ANKRD46: variants seen among roughly 807,000 people sequenced by gnomAD.
The protein encoded by ANKRD46 is ankyrin repeat domain 46, also known as ankyrin repeat domain-containing protein 46.
Under a neutral mutation model 19.8 loss-of-function variants are expected in ANKRD46, and 13 were observed. The ratio of observed to expected loss-of-function variants is 0.66; its 90% CI spans 0.43 to 1.04. The LOEUF is 1.04. Ranked by LOEUF, ANKRD46 falls within the 50% of genes least tolerant of loss-of-function variation. The pLI, the probability that ANKRD46 is intolerant of heterozygous loss-of-function variation, is 0.00. For synonymous variants in ANKRD46, 91 were observed against 106.9 expected, an observed-to-expected ratio of 0.85 and a Z score of 0.92; for missense variants, 185 against 274.8, an observed-to-expected ratio of 0.67 and a Z score of 2.31.
rs16898488 is a variant in ANKRD46 at position 100,522,505 on chromosome 8, T to C, written c.*50A>G. 1.4e-3 allele frequency: 2,226 copies of C among 1,600,980 alleles called. 32 individuals are homozygous for C. The African/African-American group carries it at 0.026, about 19-fold the overall frequency. Reference sequence around the variant, plus strand: ...AATTCTGAGAAACTGAGAACAAACATTGGAAGCCAGGAAACAGGCAATTAA... The same window carrying C: ...AATTCTGAGAAACTGAGAACAAACACTGGAAGCCAGGAAACAGGCAATTAA... On this transcript the variant is annotated 3_prime_UTR_variant, in exon 5 of 5. Coordinates refer to ENST00000335659, the MANE Select transcript of ANKRD46 (RefSeq NM_001270377.2).
At chr8:100,530,452 T>C (rs954236775) in intron 2 of ANKRD46, among the ~76,000 whole-genome samples, 1 of 152,084 alleles carries the variant, frequency 6.6e-6, no homozygotes, top group Non-Finnish European at 1.5e-5. Context: ...GGCGCGGTCT[T>C]GGCTCACTGC....
rs754180054 is a variant in ANKRD46, at chr8:100,544,961, G to A, written c.-130-11650C>T. The stretch of plus-strand genomic sequence containing the variant: ...AACAGTATTGTACACTGGCACATGA[G>A]TATGTACATAGGGCAGATCAACAGT... On this transcript the variant is annotated intron_variant, in intron 1 of 4. Coordinates refer to ENST00000335659, the MANE Select transcript of ANKRD46 (RefSeq NM_001270377.2). This position sits in a 1 kb window ranked among gnomAD's most constrained non-coding sequence, Gnocchi z 4.4. 3.3e-5 allele frequency among the ~76,000 whole-genome samples: 5 copies of A among 152,122 alleles called. No individual in the cohort carries two copies. Among genetic ancestry groups the A allele is most frequent in the African/African-American group, 4.8e-5 (2 of 41,422 alleles).
intron 1 of ANKRD46, chr8:100,556,513 T>G (rs1812503988): frequency 6.6e-6 from 1 of 152,228 alleles, no homozygotes; most frequent in Non-Finnish European, 1.5e-5. Flanking sequence ...AAAAATTTAC[T>G]ATGGGAACGA....
At position 100,534,157 on chromosome 8, in the gene ANKRD46, T is replaced by G. The variant is rs926536149; in HGVS notation, c.-130-846A>C. Among the ~76,000 whole-genome samples the G allele has an allele frequency of 6.6e-6, 1 of 152,238 alleles. No individual in the cohort carries two copies. Among genetic ancestry groups the G allele is most frequent in the African/African-American group, 2.4e-5 (1 of 41,458 alleles). ...GTCAGGGTGAAATACAGGTTAACTT[T>G]TTACCGATCATCCTTGTTCATTGTT... On this transcript the variant is annotated intron_variant, in intron 1 of 4. Transcript: ENST00000335659. The surrounding 1 kb of genome is among the most constrained non-coding windows in gnomAD (Gnocchi z 4.2).
At chr8:100,526,936 G>A (rs963205552) in intron 4 of ANKRD46, among the ~76,000 whole-genome samples, 2 of 151,962 alleles carry the variant, frequency 1.3e-5, no homozygotes, top group Admixed American at 1.3e-4. Context: ...ACAACCTACC[G>A]AGAATACTGG....
intron 1 of ANKRD46, among the ~76,000 whole-genome samples, chr8:100,538,350 G>A (rs139446383): frequency 2.2e-4 from 34 of 152,198 alleles, no homozygotes; most frequent in African/African-American, 6.7e-4. Flanking sequence ...TACTGAACAC[G>A]TATGTACAGA....
chr8:100,545,755 GGTTTTGACCAAAATGC>G lies in ANKRD46; in HGVS notation c.-130-12460_-130-12445del, dbSNP rs1812261070. On this transcript the variant is annotated intron_variant, in intron 1 of 4. Transcript: ENST00000335659. This position sits in a 1 kb window ranked among gnomAD's most constrained non-coding sequence, Gnocchi z 4.7. ...GGAACTTCCTAGAGCCTTGCTGAAT[GGTTTTGACCAAAATGC>G]TGATAGTGATATGGACAATGAAATC... is the stretch of plus-strand genomic sequence containing the variant. Among the ~76,000 whole-genome samples, 1 of 152,158 alleles carries G rather than the reference GGTTTTGACCAAAATGC, an allele frequency of 6.6e-6. No homozygotes were observed. The highest frequency in any genetic ancestry group is 2.1e-4 in the South Asian group (1 of 4,828).
At position 100,525,721 on chromosome 8, in the gene ANKRD46, G is replaced by C. The variant is rs2002306; in HGVS notation, c.470+2124C>G. 2.3e-3 allele frequency among the ~76,000 whole-genome samples: 343 copies of C among 152,246 alleles called. 1 individual carries two copies. Among genetic ancestry groups the C allele is most frequent in the Admixed American group, 5.8e-3 (89 of 15,292 alleles). ...ATGAACATTCATATATAAGTTTTGT[G>C]TGGACATATGTTTCAATTTTCTTTG... On this transcript the variant is annotated intron_variant, in intron 4 of 4. Coordinates refer to ENST00000335659, the MANE Select transcript of ANKRD46 (RefSeq NM_001270377.2). This position sits in a 1 kb window ranked among gnomAD's most constrained non-coding sequence, Gnocchi z 4.4.
rs550795626 is a variant in ANKRD46, at chr8:100,537,965, T to C, written c.-130-4654A>G. On this transcript the variant is annotated intron_variant, in intron 1 of 4. Transcript: ENST00000335659. The surrounding 1 kb of genome is among the most constrained non-coding windows in gnomAD (Gnocchi z 4.2). ...TGTCAAGATAACCAGGAGAAAACAGTTCATGTAAAACTTTGTTGCTTGTTC... is the reference window on the plus strand; with the variant it reads ...TGTCAAGATAACCAGGAGAAAACAGCTCATGTAAAACTTTGTTGCTTGTTC... Among the ~76,000 whole-genome samples the C allele has an allele frequency of 6.6e-6, 1 of 152,262 alleles. No homozygotes were observed. The highest frequency in any genetic ancestry group is 2.1e-4 in the South Asian group (1 of 4,820).
At chr8:100,530,815 A>G (rs1660702587) in intron 2 of ANKRD46, among the ~76,000 whole-genome samples, 1 of 152,216 alleles carries the variant, frequency 6.6e-6, no homozygotes, top group Admixed American at 6.5e-5. Context: ...GGTTATCTCA[A>G]TATGTGACTG....
intron 1 of ANKRD46, among the ~76,000 whole-genome samples, chr8:100,549,230 A>G (rs1273361878): frequency 6.6e-6 from 1 of 152,024 alleles, no homozygotes; most frequent in Non-Finnish European, 1.5e-5. Context: ...TTAGCCTCCC[A>G]AAGTGCTAGG....
At position 100,522,277 on chromosome 8, in the gene ANKRD46, T is replaced by C; in HGVS notation, c.*278A>G. ...GCTTCTTCCTTTATCTTCCATTCTC[T>C]AGTCACTTCCGTGTTTTTATCAAAC... On this transcript the variant is annotated 3_prime_UTR_variant, in exon 5 of 5. Coordinates refer to ENST00000335659, the MANE Select transcript of ANKRD46 (RefSeq NM_001270377.2). 3 of 1,220,446 alleles carry C rather than the reference T, an allele frequency of 2.5e-6. No individual in the cohort carries two copies. The highest frequency in any genetic ancestry group is 3.1e-6 in the Non-Finnish European group (3 of 974,106). 75.6% of individuals were successfully genotyped at this position (1,220,446 alleles called of 1,614,324 possible).
Position 100,521,777 on chromosome 8 carries a change from A to T in ANKRD46, c.*778T>A. 2 of 985,392 alleles carry T rather than the reference A, an allele frequency of 2.0e-6. No homozygotes were observed. The highest frequency in any genetic ancestry group is 2.4e-6 in the Non-Finnish European group (2 of 829,870). The allele number at this position is 985,392 out of a possible 1,614,324, so 61.0% of individuals were successfully genotyped here. A position where few individuals can be genotyped will look rare whatever the true frequency, so the allele number is the denominator to read the frequency against. On this transcript the variant is annotated 3_prime_UTR_variant, in exon 5 of 5. Coordinates refer to ENST00000335659, the MANE Select transcript of ANKRD46 (RefSeq NM_001270377.2). ...TTTCCCTGCTAACTATTCAGTAGAA[A>T]AAGGATTTTCTGACTGTAATTCTGA...
rs748887207 is a variant in ANKRD46 at position 100,524,401 on chromosome 8, G to A, written c.471-1630C>T. Among the ~76,000 whole-genome samples, 5 of 151,946 alleles carry A rather than the reference G, an allele frequency of 3.3e-5. No individual in the cohort carries two copies. The highest frequency in any genetic ancestry group is 3.3e-4 in the Admixed American group (5 of 15,250). On this transcript the variant is annotated intron_variant, in intron 4 of 4. Transcript: ENST00000335659. This position sits in a 1 kb window ranked among gnomAD's most constrained non-coding sequence, Gnocchi z 4.3. Reference sequence around the variant, plus strand: ...AACCTACAACTTTATTTTACTTCTTGATACCATCAAACAAAAGTCCTTCAG... The same window carrying A: ...AACCTACAACTTTATTTTACTTCTTAATACCATCAAACAAAAGTCCTTCAG...
Position 100,524,481 on chromosome 8 carries a change from G to C in ANKRD46, c.471-1710C>G, listed in dbSNP as rs73696794. ...TCATGGGAAACTGACTTCCTAATGG[G>C]CCAGTCTGCTTAACACCCAAACTTT... On this transcript the variant is annotated intron_variant, in intron 4 of 4. Coordinates refer to ENST00000335659, the MANE Select transcript of ANKRD46 (RefSeq NM_001270377.2). The surrounding 1 kb of genome is among the most constrained non-coding windows in gnomAD (Gnocchi z 4.3). Among the ~76,000 whole-genome samples, 1 of 149,674 alleles carries C rather than the reference G, an allele frequency of 6.7e-6. No homozygotes were observed. The highest frequency in any genetic ancestry group is 6.7e-5 in the Admixed American group (1 of 14,968).
chr8:100,530,089 T>C (rs1811927081), intron 2 of ANKRD46, among the ~76,000 whole-genome samples: 1 of 152,260 alleles, frequency 6.6e-6, no homozygotes, highest in African/African-American at 2.4e-5. Flanking sequence ...TGTAAAGCTC[T>C]ATTTTGCTTT....
In ANKRD46 at chr8:100,525,237, T is replaced by C. The variant is rs1305005873; in HGVS notation, c.471-2466A>G. Among the ~76,000 whole-genome samples, 4 of 152,214 alleles carry C rather than the reference T, an allele frequency of 2.6e-5. No individual in the cohort carries two copies. The highest frequency in any genetic ancestry group is 1.3e-4 in the Admixed American group (2 of 15,280). On this transcript the variant is annotated intron_variant, in intron 4 of 4. Coordinates refer to ENST00000335659, the MANE Select transcript of ANKRD46 (RefSeq NM_001270377.2). This position sits in a 1 kb window ranked among gnomAD's most constrained non-coding sequence, Gnocchi z 4.4. ...TGTGCTAGCCAATCTCTTTAAACTT[T>C]TTCATCTACATTTATTGAGACATAA...
rs1801095 is a variant in ANKRD46 at position 100,550,773 on chromosome 8, T to G, written c.-131+8938A>C. ...CACCACCCTGTTGCTGTAGCCAAATTCACTGTTGTACGAGGAAATGAGCTT... is the reference window on the plus strand; with the variant it reads ...CACCACCCTGTTGCTGTAGCCAAATGCACTGTTGTACGAGGAAATGAGCTT... On this transcript the variant is annotated intron_variant, in intron 1 of 4. Transcript: ENST00000335659. This position sits in a 1 kb window ranked among gnomAD's most constrained non-coding sequence, Gnocchi z 4.4. 1 of 453,914 alleles carries G rather than the reference T, an allele frequency of 2.2e-6. No homozygotes were observed. The highest frequency in any genetic ancestry group is 2.0e-5 in the African/African-American group (1 of 50,030). 28.1% of individuals were successfully genotyped at this position (453,914 alleles called of 1,614,324 possible).
At chr8:100,540,195 T>TTA (rs1554561414) in intron 1 of ANKRD46, among the ~76,000 whole-genome samples, 1 of 147,736 alleles carries the variant, frequency 6.8e-6, no homozygotes, top group African/African-American at 2.5e-5. Flanking sequence ...ATTTCATGAG[T>TTA]AAAAAAAAAA....
Sources: gnomAD v4.1 joint callset for allele counts (sites outside exome capture counted in the v4.1 genomes callset) on GRCh38, gnomAD v4.1.1 for gene constraint, Gnocchi (gnomAD v3.1) non-coding constraint, MANE v1.5 for transcripts, NCBI Gene and HGNC (gene_info 2026-07-23, HGNC 2026-07-21) for gene names.